Variants in RALYL observed in about 807,000 individuals in gnomAD.
RALYL encodes the protein RNA-binding Raly-like protein.
A neutral mutation model predicts 35.1 loss-of-function variants in RALYL; 29 were observed. That is an observed-to-expected ratio of 0.83 (90% confidence interval 0.61 to 1.13). The LOEUF (loss-of-function observed/expected upper bound fraction) is 1.13. RALYL is among the 50% of genes most tolerant of loss of function. The pLI, the probability that RALYL is intolerant of heterozygous loss-of-function variation, is 0.00. For synonymous variants in RALYL, 120 were observed against 127.6 expected (o/e 0.94, Z 0.40); for missense variants, 359 against 360.4 (o/e 1.00, Z 0.03).
chr8:84,713,190 A>G (rs189001187), intron 2 of RALYL, among the ~76,000 whole-genome samples: 1 of 152,134 alleles, frequency 6.6e-6, no homozygotes, highest in Admixed American at 6.6e-5. Flanking sequence ...CAGTTTTCCA[A>G]CACCATTTAT....
intron 2 of RALYL, among the ~76,000 whole-genome samples, chr8:84,551,480 G>C (rs987971813): frequency 1.3e-5 from 2 of 152,040 alleles, no homozygotes. Flanking sequence ...AGTTGAAATG[G>C]AGTTAATTAG....
chr8:84,774,528 C>A, intron 2 of RALYL, 51 bp from the exon 3 acceptor site: 1 of 1,173,980 alleles, frequency 8.5e-7, no homozygotes, highest in Non-Finnish European at 1.2e-6. Context: ...TTACTTTTCT[C>A]AGATGGTTTC....
chr8:84,668,949 ACATCCATCCATC>A (rs529680899), intron 2 of RALYL, among the ~76,000 whole-genome samples: 18 of 150,704 alleles, frequency 1.2e-4, no homozygotes, highest in Admixed American at 2.0e-4. Context: ...GTTCAACAAC[ACATCCATCCATC>A]CATCCATCCA....
At chr8:84,794,825 G>A (rs1469694715) in intron 3 of RALYL, among the ~76,000 whole-genome samples, 1 of 152,174 alleles carries the variant, frequency 6.6e-6, no homozygotes, top group Non-Finnish European at 1.5e-5. Context: ...CATTCCTGTT[G>A]CTACAGTTCA....
intron 1 of RALYL, among the ~76,000 whole-genome samples, chr8:84,345,464 C>A (rs1461083930): frequency 6.6e-6 from 1 of 152,032 alleles, no homozygotes; most frequent in Non-Finnish European, 1.5e-5. Context: ...TCTTCCTGTT[C>A]AATCCATATA....
intron 1 of RALYL, among the ~76,000 whole-genome samples, chr8:84,319,190 T>C (rs780864163): frequency 3.3e-5 from 5 of 152,176 alleles, no homozygotes; most frequent in Non-Finnish European, 7.4e-5. Context: ...CTCCCTTCAA[T>C]AGTCATAGAA....
At chr8:84,733,506 T>C (rs568503720) in intron 2 of RALYL, among the ~76,000 whole-genome samples, 3 of 152,114 alleles carry the variant, frequency 2.0e-5, no homozygotes, top group Non-Finnish European at 4.4e-5. Flanking sequence ...ATATTATTAA[T>C]AGTATTGATA....
intron 2 of RALYL, among the ~76,000 whole-genome samples, chr8:84,738,097 A>G (rs1847647837): frequency 6.6e-6 from 1 of 152,042 alleles, no homozygotes; most frequent in African/African-American, 2.4e-5. Context: ...AAGTAAGTCA[A>G]TGATTGTCTA....
chr8:84,739,898 A>G (rs939500484), intron 2 of RALYL, among the ~76,000 whole-genome samples: 1 of 151,956 alleles, frequency 6.6e-6, no homozygotes, highest in African/African-American at 2.4e-5. Context: ...TGGAGTCACT[A>G]TATATAAGAA....
chr8:84,461,738 C>T (rs374011118), intron 1 of RALYL, among the ~76,000 whole-genome samples: 2 of 151,572 alleles, frequency 1.3e-5, no homozygotes, highest in African/African-American at 2.4e-5. Flanking sequence ...AATTGGGATT[C>T]GATTTTTTGA....
In RALYL at chr8:84,873,236, T is replaced by C. The variant is rs1194727808; in HGVS notation, c.572-48T>C. 11 of 1,026,472 alleles carry C rather than the reference T, an allele frequency of 1.1e-5. No homozygotes were observed. In the African/African-American group the frequency reaches 1.6e-4, roughly 15 times the overall value. 63.6% of individuals were successfully genotyped at this position (1,026,472 alleles called of 1,614,324 possible). A position where few individuals can be genotyped will look rare whatever the true frequency, so the allele number is the denominator to read the frequency against. ...TGTGAGTTCGGTCCTAGGTGAGTTA[T>C]GGTGCATTTGATGCTCTGTTGTTTT... On this transcript the variant is annotated intron_variant, in intron 6 of 8. Coordinates refer to ENST00000521268, the MANE Select transcript of RALYL (RefSeq NM_173848.7).
chr8:84,844,106 A>G (rs1586717098), intron 4 of RALYL, among the ~76,000 whole-genome samples: 1 of 152,194 alleles, frequency 6.6e-6, no homozygotes, highest in African/African-American at 2.4e-5. Flanking sequence ...ACAGAAGCCA[A>G]AATTGACAAA....
intron 1 of RALYL, among the ~76,000 whole-genome samples, chr8:84,339,980 G>T (rs184887278): frequency 1.1e-4 from 16 of 152,182 alleles, no homozygotes; most frequent in Admixed American, 9.8e-4. Flanking sequence ...TAATCATGGG[G>T]ATGGGTTTTT....
intron 2 of RALYL, among the ~76,000 whole-genome samples, chr8:84,596,372 G>A (rs891946250): frequency 3.3e-5 from 5 of 152,060 alleles, no homozygotes; most frequent in African/African-American, 4.8e-5. Flanking sequence ...CTTCTGTGTC[G>A]CAAAGACTTA....
intron 4 of RALYL, among the ~76,000 whole-genome samples, chr8:84,825,652 G>C (rs113073352): frequency 0.19 from 29,214 of 152,056 alleles, 3,474 homozygotes; most frequent in African/African-American, 0.32. Context: ...CAGATCACCT[G>C]AGGTCAGGAG....
rs111323277 is a variant in RALYL at position 84,213,451 on chromosome 8, A to G, written c.-24+29027A>G. ...AAAAGCAAAAAAGAAAGTAGAGAAT[A>G]GAAATTTTCTGCAAATAGTAAAAGT... On this transcript the variant is annotated intron_variant, in intron 1 of 8. Transcript: ENST00000521268. Among the ~76,000 whole-genome samples the G allele has an allele frequency of 7.0e-4, 106 of 152,330 alleles. 2 individuals are homozygous for G. The highest frequency in any genetic ancestry group is 2.4e-3 in the African/African-American group (98 of 41,584).
At chr8:84,900,256 A>T (rs1845440621) in intron 8 of RALYL, among the ~76,000 whole-genome samples, 1 of 152,234 alleles carries the variant, frequency 6.6e-6, no homozygotes, top group African/African-American at 2.4e-5. Context: ...AGGAAAAAAT[A>T]GTTACTTTTC....
chr8:84,311,090 A>AAAAAAAAAAAAATATAT (rs1554614840), intron 1 of RALYL, among the ~76,000 whole-genome samples: 2 of 99,720 alleles, frequency 2.0e-5, no homozygotes, highest in Non-Finnish European at 4.2e-5. Flanking sequence ...AAAAAAAAAA[A>AAAAAAAAAAAAATATAT]ATGTATATTA....
At chr8:84,632,003 C>T (rs1054337301) in intron 2 of RALYL, among the ~76,000 whole-genome samples, 3 of 151,754 alleles carry the variant, frequency 2.0e-5, no homozygotes, top group East Asian at 1.9e-4. Context: ...CAAATTCATA[C>T]GTTGAAATTG....
Sources: gnomAD v4.1 joint callset for allele counts (sites outside exome capture counted in the v4.1 genomes callset) on GRCh38, gnomAD v4.1.1 for gene constraint, MANE v1.5 for transcripts, NCBI Gene and HGNC (gene_info 2026-07-23, HGNC 2026-07-21) for gene names.